PPP2R5C: variants seen among roughly 807,000 people sequenced by gnomAD.
PPP2R5C encodes the protein serine/threonine-protein phosphatase 2A 56 kDa regulatory subunit gamma isoform.
A neutral mutation model predicts 68.9 loss-of-function variants in PPP2R5C; 7 were observed. The ratio of observed to expected loss-of-function variants is 0.10; its 90% confidence interval spans 0.06 to 0.19. The LOEUF (loss-of-function observed/expected upper bound fraction) is 0.19, where lower values mean the gene tolerates loss of function less well. Among genes scored for constraint, PPP2R5C ranks in the 10% least tolerant of loss-of-function variants. PPP2R5C has a pLI of 1.00. For missense variants in PPP2R5C, 348 were observed against 641.3 expected, an observed-to-expected ratio of 0.54 and a Z score of 4.94; for synonymous variants, 210 against 222.2, an observed-to-expected ratio of 0.95 and a Z score of 0.49.
At position 101,909,680 on chromosome 14, in the gene PPP2R5C, G is replaced by T; in HGVS notation, c.1243G>T (p.Glu415Ter). ...TGACTGTACACAACAGTTCAAAGCA[G>T]AGAAACTAAAGTGAGTTGTTCCTTT... is the stretch of plus-strand genomic sequence containing the variant. The change falls in exon 11 of 14, where the codon GAG becomes TAG. Residue 415 changes from glutamate to a stop codon, truncating the protein, a stop_gained. Transcript: ENST00000334743. LOFTEE classifies it high-confidence loss of function. 1.3e-6 allele frequency: 2 copies of T among 1,595,678 alleles called. No individual in the cohort carries two copies. Among genetic ancestry groups the T allele is most frequent in the South Asian group, 2.2e-5 (2 of 90,046 alleles).
At chr14:101,919,969 C>CAAAAAAAAAAAAAAAAAAAAAAA (rs34641396) in intron 13 of PPP2R5C, among the ~76,000 whole-genome samples, 1 of 52,880 alleles carries the variant, frequency 1.9e-5, no homozygotes, top group African/African-American at 9.0e-5. Flanking sequence ...AACTCCGTCT[C>CAAAAAAAAAAAAAAAAAAAAAAA]AAAAAAAAAA....
At chr14:101,847,638 C>G (rs943219353) in intron 1 of PPP2R5C, among the ~76,000 whole-genome samples, 2 of 150,314 alleles carry the variant, frequency 1.3e-5, no homozygotes, top group Non-Finnish European at 2.9e-5. Flanking sequence ...GTGATGCAGG[C>G]TGTGTCCTCA....
chr14:101,841,554 C>T (rs888935677), intron 1 of PPP2R5C, among the ~76,000 whole-genome samples: 14 of 152,318 alleles, frequency 9.2e-5, no homozygotes, highest in Admixed American at 4.6e-4. Flanking sequence ...TCTGTGCCTC[C>T]GGAGATGAGG....
Position 101,879,971 on chromosome 14 carries a change from G to T in PPP2R5C, c.295-2190G>T, listed in dbSNP as rs889999152. Among the ~76,000 whole-genome samples the T allele has an allele frequency of 6.6e-6, 1 of 152,188 alleles. No homozygotes were observed. Among genetic ancestry groups the T allele is most frequent in the Admixed American group, 6.5e-5 (1 of 15,280 alleles). ...GAGCTTTTAGCATCTGCTTGTTCAC[G>T]TCTGTGGGCTTTGGGGTCAGGGTGC... On this transcript the variant is annotated intron_variant, in intron 2 of 13. Transcript: ENST00000334743. The surrounding 1 kb of genome is among the most constrained non-coding windows in gnomAD (Gnocchi z 4.2).
chr14:101,913,978 T>C lies in PPP2R5C; in HGVS notation c.1326+1505T>C, dbSNP rs141998167. 1.1e-3 allele frequency among the ~76,000 whole-genome samples: 173 copies of C among 152,364 alleles called. 1 individual carries two copies. The highest frequency in any genetic ancestry group is 3.7e-3 in the African/African-American group (155 of 41,588). The stretch of plus-strand genomic sequence containing the variant: ...GAAAAATTGCATAAAATTGTTACAT[T>C]ACAAATCAAGAGCTGGTTGTTTGTG... On this transcript the variant is annotated intron_variant, in intron 12 of 13. Transcript: ENST00000334743. The surrounding 1 kb of genome is among the most constrained non-coding windows in gnomAD (Gnocchi z 4.1).
At chr14:101,811,513 T>A (rs544434210) in intron 1 of PPP2R5C, among the ~76,000 whole-genome samples, 4 of 152,166 alleles carry the variant, frequency 2.6e-5, no homozygotes, top group African/African-American at 7.2e-5. Context: ...GCTAATTTTT[T>A]AATATTTTTT....
intron 1 of PPP2R5C, among the ~76,000 whole-genome samples, chr14:101,852,562 G>A (rs1007128196): frequency 4.8e-5 from 7 of 145,064 alleles, no homozygotes; most frequent in Admixed American, 4.4e-4. Flanking sequence ...TCAGCCTCCC[G>A]GGTTCAAGCG....
upstream of PPP2R5C, chr14:101,760,693 G>C (rs1380457136): frequency 2.1e-6 from 2 of 954,714 alleles, no homozygotes; most frequent in East Asian, 1.3e-4. Flanking sequence ...GGATGGGCGG[G>C]ACCTCGCGGG....
intron 2 of PPP2R5C, among the ~76,000 whole-genome samples, chr14:101,764,295 T>G (rs2036738409): frequency 6.6e-6 from 1 of 152,248 alleles, no homozygotes; most frequent in Admixed American, 6.5e-5. Context: ...CAGTAGGTCC[T>G]TTTGAATCCA....
chr14:101,866,476 C>T (rs1381810041), intron 2 of PPP2R5C, among the ~76,000 whole-genome samples: 1 of 152,130 alleles, frequency 6.6e-6, no homozygotes, highest in African/African-American at 2.4e-5. Flanking sequence ...AAGCTGAAGG[C>T]CTCGCCAACA....
chr14:101,804,227 C>G (rs775491187), intron 3 of PPP2R5C, among the ~76,000 whole-genome samples: 13 of 152,140 alleles, frequency 8.5e-5, no homozygotes, highest in Non-Finnish European at 1.6e-4. Flanking sequence ...ATAACTAATG[C>G]TGGAGAGGAT....
chr14:101,813,909 T>C (rs2039510266), intron 1 of PPP2R5C, among the ~76,000 whole-genome samples: 1 of 152,212 alleles, frequency 6.6e-6, no homozygotes, highest in Admixed American at 6.5e-5. Flanking sequence ...AGTCACCAAT[T>C]TGTTGAAGGT....
chr14:101,849,558 A>G (rs2042025961), intron 1 of PPP2R5C, among the ~76,000 whole-genome samples: 1 of 132,910 alleles, frequency 7.5e-6, no homozygotes, highest in Non-Finnish European at 1.7e-5. Flanking sequence ...GGACATGTTT[A>G]TATATTCTGG....
chr14:101,892,421 G>A (rs7161199), intron 6 of PPP2R5C, among the ~76,000 whole-genome samples: 2,535 of 151,960 alleles, frequency 0.017, 73 homozygotes, highest in African/African-American at 0.059. Context: ...GAACTGTCCC[G>A]TCTTCCTGGC....
At position 101,899,134 on chromosome 14, in the gene PPP2R5C, T is replaced by A. The variant is rs1201817399; in HGVS notation, c.853-2585T>A. Reference sequence around the variant, plus strand: ...CTAATTGTGTACAGTGCTCAAAAGCTTTCTGGGCACATGAAACACTTTCTC... The same window carrying A: ...CTAATTGTGTACAGTGCTCAAAAGCATTCTGGGCACATGAAACACTTTCTC... On this transcript the variant is annotated intron_variant, in intron 8 of 13. Transcript: ENST00000334743. This position sits in a 1 kb window ranked among gnomAD's most constrained non-coding sequence, Gnocchi z 4.2. Among the ~76,000 whole-genome samples the A allele has an allele frequency of 6.6e-6, 1 of 152,268 alleles. No homozygotes were observed. Among genetic ancestry groups the A allele is most frequent in the Non-Finnish European group, 1.5e-5 (1 of 68,040 alleles).
chr14:101,829,963 A>T (rs2040638120), intron 1 of PPP2R5C, among the ~76,000 whole-genome samples: 1 of 152,082 alleles, frequency 6.6e-6, no homozygotes, highest in African/African-American at 2.4e-5. Context: ...ATTTTTTTTC[A>T]AAACTTGTTT....
At chr14:101,801,482 C>T (rs1032399295) in intron 3 of PPP2R5C, among the ~76,000 whole-genome samples, 4 of 152,144 alleles carry the variant, frequency 2.6e-5, no homozygotes, top group Non-Finnish European at 4.4e-5. Flanking sequence ...TCATTTTATA[C>T]ATTTATAAGT....
intron 2 of PPP2R5C, among the ~76,000 whole-genome samples, chr14:101,769,113 T>G (rs2037016590): frequency 6.6e-6 from 1 of 152,244 alleles, no homozygotes; most frequent in Admixed American, 6.5e-5. Context: ...CGTGAGCCAC[T>G]GTGCCCAGCC....
At chr14:101,775,040 G>A (rs1021661257) in intron 2 of PPP2R5C, among the ~76,000 whole-genome samples, 3 of 152,182 alleles carry the variant, frequency 2.0e-5, no homozygotes, top group South Asian at 2.1e-4. Flanking sequence ...CTTCCCAGCC[G>A]CGGCCTACTG....
Sources: gnomAD v4.1 joint callset for allele counts (sites outside exome capture counted in the v4.1 genomes callset) on GRCh38, gnomAD v4.1.1 for gene constraint, Gnocchi (gnomAD v3.1) non-coding constraint, MANE v1.5 for transcripts, NCBI Gene and HGNC (gene_info 2026-07-23, HGNC 2026-07-21) for gene names.